Variants in NGEF observed in about 807,000 individuals in gnomAD.
NGEF encodes neuronal guanine nucleotide exchange factor.
NGEF carries 31 observed loss-of-function variants against 80.9 expected under a neutral mutation model. The observed-to-expected ratio is 0.38, with a 90% CI of 0.29 to 0.52. The LOEUF (loss-of-function observed/expected upper bound fraction) is 0.52. Among genes scored for constraint, NGEF ranks in the 20% least tolerant of loss-of-function variants. The pLI is 0.84. For synonymous variants in NGEF, 371 were observed against 370.2 expected (o/e 1.00, Z -0.03); for missense variants, 709 against 926.2 (o/e 0.77, Z 3.04).
chr2:232,914,472 G>T (rs1426164284), intron 5 of NGEF, among the ~76,000 whole-genome samples: 1 of 152,184 alleles, frequency 6.6e-6, no homozygotes, highest in African/African-American at 2.4e-5. Context: ...GGAGGCTGAG[G>T]CAGGGAGATC....
chr2:232,940,033 C>A (rs1252763353), intron 3 of NGEF, among the ~76,000 whole-genome samples: 1 of 151,808 alleles, frequency 6.6e-6, no homozygotes, highest in Non-Finnish European at 1.5e-5. Context: ...CACGAGAAGA[C>A]CAGTGTTTTG....
chr2:232,882,206 G>A lies in NGEF; in HGVS notation c.1817C>T (p.Ser606Leu), dbSNP rs1691525640. The change falls in exon 13 of 15, where the codon TCG becomes TTG. Residue 606 changes from serine to leucine, a missense_variant. Physicochemically the swap from Ser to Leu is moderately radical, Grantham distance 145 (BLOSUM62 -2). Coordinates refer to ENST00000264051, the MANE Select transcript of NGEF (RefSeq NM_019850.3). ...LAPNRRTKFV[S>L]FTSRLLDCPQ... ...CTTACCCAGCAGCCGGGATGTGAAC[G>A]AAACAAACTTGGTCCTCCTGTTGGG... is the stretch of plus-strand genomic sequence containing the variant. The A allele has an allele frequency of 5.6e-6, 9 of 1,613,746 alleles. No individual in the cohort carries two copies. The highest frequency in any genetic ancestry group is 6.8e-6 in the Non-Finnish European group (8 of 1,179,912).
chr2:232,971,313 T>G (rs1052289404), intron 2 of NGEF, among the ~76,000 whole-genome samples: 1 of 152,152 alleles, frequency 6.6e-6, no homozygotes, highest in Non-Finnish European at 1.5e-5. Context: ...ATTTTCTCCT[T>G]GGATTCTTGG....
At chr2:232,884,296 G>A in intron 10 of NGEF, 152 bp from the exon 11 acceptor site, 1 of 791,042 alleles carries the variant, frequency 1.3e-6, no homozygotes, top group Non-Finnish European at 1.9e-6. Context: ...GTTCTGGACG[G>A]ATGCAGAGAG....
intron 5 of NGEF, among the ~76,000 whole-genome samples, chr2:232,917,753 T>C (rs1369627382): frequency 6.6e-6 from 1 of 152,208 alleles, no homozygotes; most frequent in Non-Finnish European, 1.5e-5. Flanking sequence ...TTTAGATTTC[T>C]AATCAATTGG....
chr2:232,921,668 C>T (rs1692946759), intron 4 of NGEF, among the ~76,000 whole-genome samples: 1 of 146,844 alleles, frequency 6.8e-6, no homozygotes, highest in Non-Finnish European at 1.5e-5. Flanking sequence ...TGCTATTTTA[C>T]CCAGGCTGGT....
In NGEF at chr2:232,938,854, G is replaced by A. The variant is rs1693383664; in HGVS notation, c.384-11668C>T. Among the ~76,000 whole-genome samples, 4 of 149,892 alleles carry A rather than the reference G, an allele frequency of 2.7e-5. No individual in the cohort carries two copies. In the South Asian group the frequency reaches 8.4e-4, roughly 32 times the overall value. On this transcript the variant is annotated intron_variant, in intron 3 of 14. Coordinates refer to ENST00000264051, the MANE Select transcript of NGEF (RefSeq NM_019850.3). The stretch of plus-strand genomic sequence containing the variant: ...TAGGTGCACATAATTTAGATGTCAG[G>A]TTATGGCCACAGGGTTCTTATATTC...
intron 5 of NGEF, among the ~76,000 whole-genome samples, chr2:232,913,168 C>T (rs1176880302): frequency 6.6e-6 from 1 of 152,208 alleles, no homozygotes; most frequent in African/African-American, 2.4e-5. Flanking sequence ...GCTTTTGCTG[C>T]ATCCCACTTG....
At chr2:232,913,027 C>A (rs144916518) in intron 5 of NGEF, among the ~76,000 whole-genome samples, 103 of 152,282 alleles carry the variant, frequency 6.8e-4, no homozygotes, top group Admixed American at 3.6e-3. Context: ...TGTATTACTT[C>A]TTTCCTTCCA....
intron 1 of NGEF, among the ~76,000 whole-genome samples, chr2:232,980,603 A>G (rs537213827): frequency 6.6e-6 from 1 of 151,902 alleles, no homozygotes; most frequent in East Asian, 1.9e-4. Flanking sequence ...GGTTCAAATG[A>G]TTCTTCTGCC....
At chr2:232,995,986 G>A (rs117012575) in intron 1 of NGEF, among the ~76,000 whole-genome samples, 1 of 151,726 alleles carries the variant, frequency 6.6e-6, no homozygotes, top group African/African-American at 2.4e-5. Context: ...AAACTGAATG[G>A]GGGATAAGGT....
chr2:232,880,729 A>C (rs942543983), intron 14 of NGEF, among the ~76,000 whole-genome samples: 2 of 142,982 alleles, frequency 1.4e-5, no homozygotes, highest in African/African-American at 5.2e-5. Flanking sequence ...CACATGGGGC[A>C]CCGAGCCTGG....
chr2:232,972,113 C>T (rs1008099379), intron 2 of NGEF, among the ~76,000 whole-genome samples: 2 of 152,096 alleles, frequency 1.3e-5, no homozygotes, highest in African/African-American at 4.8e-5. Context: ...TGTTGGGAAA[C>T]TTTTAAGGGT....
chr2:232,921,896 CG>C (rs1214856923), intron 4 of NGEF, among the ~76,000 whole-genome samples: 1 of 152,102 alleles, frequency 6.6e-6, no homozygotes, highest in Non-Finnish European at 1.5e-5. Flanking sequence ...GTGCCTGATT[CG>C]GGGACAGTTA....
intron 3 of NGEF, among the ~76,000 whole-genome samples, chr2:232,966,772 G>A (rs1305585661): frequency 6.6e-6 from 1 of 152,128 alleles, no homozygotes; most frequent in African/African-American, 2.4e-5. Context: ...GCCCTTCCTT[G>A]GCCCCTTGGA....
At chr2:232,907,016 TC>T (rs1692577260) in intron 5 of NGEF, among the ~76,000 whole-genome samples, 2 of 151,312 alleles carry the variant, frequency 1.3e-5, no homozygotes, top group Non-Finnish European at 2.9e-5. Flanking sequence ...CACTCCCTAA[TC>T]TCAAGTACCC....
Position 232,884,147 on chromosome 2 carries a change from G to C in NGEF, c.1438-3C>G. 1 of 1,591,384 alleles carries C rather than the reference G, an allele frequency of 6.3e-7. No homozygotes were observed. Among genetic ancestry groups the C allele is most frequent in the Non-Finnish European group, 8.5e-7 (1 of 1,172,618 alleles). ...GAGTGGGAGATGATGGGCACCGACT[G>C]CAGCGGGGAAAGGGCATCAGGCAGG... On this transcript the variant is annotated splice_region_variant and splice_polypyrimidine_tract_variant and intron_variant, in intron 10 of 14. Coordinates refer to ENST00000264051, the MANE Select transcript of NGEF (RefSeq NM_019850.3).
At chr2:232,976,411 C>T (rs1050094589) in intron 1 of NGEF, among the ~76,000 whole-genome samples, 14 of 152,186 alleles carry the variant, frequency 9.2e-5, no homozygotes, top group African/African-American at 3.4e-4. Context: ...TCTACACCCA[C>T]CAGCCAGCCC....
intron 5 of NGEF, among the ~76,000 whole-genome samples, chr2:232,914,692 G>C (rs1476642018): frequency 6.6e-6 from 1 of 151,982 alleles, no homozygotes; most frequent in East Asian, 1.9e-4. Context: ...GACAGAGTGA[G>C]ACTGTCTCAA....
Sources: allele counts gnomAD v4.1 joint callset (sites outside exome capture counted in the v4.1 genomes callset), GRCh38; gene constraint gnomAD v4.1.1; transcripts MANE v1.5; gene names NCBI Gene and HGNC (gene_info 2026-07-23, HGNC 2026-07-21).